CMTM7: variants seen among roughly 807,000 people sequenced by gnomAD.
CMTM7 encodes CKLF like MARVEL transmembrane domain containing 7, also known as CKLF-like MARVEL transmembrane domain-containing protein 7.
A neutral mutation model predicts 19.3 loss-of-function variants in CMTM7; 7 were observed. The observed-to-expected ratio is 0.36, with a 90% confidence interval of 0.21 to 0.68. The LOEUF is 0.68. Ranked by LOEUF, CMTM7 falls within the 30% of genes least tolerant of loss-of-function variation. The pLI is 0.60. For missense variants in CMTM7, 193 were observed against 232.6 expected (o/e 0.83, Z 1.11); for synonymous variants, 87 against 99.3 (o/e 0.88, Z 0.74).
At chr3:32,429,913 T>TA (rs1575119632) in intron 1 of CMTM7, among the ~76,000 whole-genome samples, 2 of 152,110 alleles carry the variant, frequency 1.3e-5, no homozygotes, top group Admixed American at 1.3e-4. Context: ...AGTGTATTTT[T>TA]AAAAAAATGT....
At chr3:32,431,218 G>C (rs758202594) in intron 1 of CMTM7, among the ~76,000 whole-genome samples, 2 of 152,168 alleles carry the variant, frequency 1.3e-5, no homozygotes, top group African/African-American at 4.8e-5. Flanking sequence ...GTATGATCCC[G>C]TTTTTGAAAA....
chr3:32,427,104 T>G (rs1696444720), intron 1 of CMTM7, among the ~76,000 whole-genome samples: 1 of 152,198 alleles, frequency 6.6e-6, no homozygotes, highest in South Asian at 2.1e-4. Context: ...GCACCAGCCA[T>G]TGAACTGAGT....
chr3:32,422,124 G>C (rs888865331), intron 1 of CMTM7, among the ~76,000 whole-genome samples: 1 of 152,106 alleles, frequency 6.6e-6, no homozygotes, highest in Non-Finnish European at 1.5e-5. Flanking sequence ...GGCCCCACAG[G>C]GCACAACGTG....
In CMTM7 at chr3:32,392,071, T is replaced by C. The variant is rs1272686663; in HGVS notation, c.159+6T>C. The C allele has an allele frequency of 1.6e-6, 2 of 1,233,134 alleles. No individual in the cohort carries two copies. The highest frequency in any genetic ancestry group is 2.0e-6 in the Non-Finnish European group (2 of 986,542). 76.4% of individuals were successfully genotyped at this position (1,233,134 alleles called of 1,614,324 possible). ...TGCTGAAAGTGGCGCAAATGGTAAGTGAGCGCGGGGCGCGAGGCCGAGGTT... is the reference window on the plus strand; with the variant it reads ...TGCTGAAAGTGGCGCAAATGGTAAGCGAGCGCGGGGCGCGAGGCCGAGGTT... On this transcript the variant is annotated splice_donor_region_variant and intron_variant, in intron 1 of 4. Coordinates refer to ENST00000334983, the MANE Select transcript of CMTM7 (RefSeq NM_138410.4).
intron 1 of CMTM7, among the ~76,000 whole-genome samples, chr3:32,406,929 G>T (rs1263048168): frequency 1.3e-5 from 2 of 152,166 alleles, no homozygotes; most frequent in East Asian, 3.9e-4. Flanking sequence ...AACTCCCAGG[G>T]ATCTCTGAAT....
chr3:32,428,281 G>A (rs1696462491), intron 1 of CMTM7, among the ~76,000 whole-genome samples: 1 of 152,200 alleles, frequency 6.6e-6, no homozygotes, highest in African/African-American at 2.4e-5. Flanking sequence ...GGTGGCCAGA[G>A]TGCAGCCTCA....
chr3:32,445,786 G>A (rs976382273), intron 2 of CMTM7, among the ~76,000 whole-genome samples: 23 of 152,228 alleles, frequency 1.5e-4, no homozygotes, highest in Admixed American at 8.5e-4. Context: ...AAAGTGTGGC[G>A]ATTACAGGCA....
intron 1 of CMTM7, among the ~76,000 whole-genome samples, chr3:32,410,795 C>G (rs1397687033): frequency 1.3e-5 from 2 of 152,158 alleles, no homozygotes; most frequent in Non-Finnish European, 2.9e-5. Flanking sequence ...TCGACAGACT[C>G]ACAATCAAAA....
At position 32,449,839 on chromosome 3, in the gene CMTM7, C is replaced by T. The variant is rs149017674; in HGVS notation, c.432+287C>T. ...GGGGCCAGGCGGGTTTTAATTCACA[C>T]ACCCACTCTGATCATTTGCTCGTTG... On this transcript the variant is annotated intron_variant, in intron 3 of 4. Transcript: ENST00000334983. The surrounding 1 kb of genome is among the most constrained non-coding windows in gnomAD (Gnocchi z 4.5). Among the ~76,000 whole-genome samples the T allele has an allele frequency of 2.8e-3, 423 of 152,288 alleles. 1 individual carries two copies. Among genetic ancestry groups the T allele is most frequent in the African/African-American group, 8.5e-3 (354 of 41,548 alleles).
intron 3 of CMTM7, chr3:32,451,186 G>A (rs1238224130): frequency 6.6e-6 from 1 of 152,290 alleles, no homozygotes; most frequent in Admixed American, 6.5e-5. Context: ...GAAACCCGGG[G>A]AAGAAGTGGA....
At chr3:32,418,752 C>G (rs168326) in intron 1 of CMTM7, among the ~76,000 whole-genome samples, 58,869 of 152,026 alleles carry the variant, frequency 0.39, 11,996 homozygotes, top group South Asian at 0.47. Context: ...CTGCATTCGT[C>G]TATTTGTCTA....
chr3:32,432,315 C>T (rs1414606196), intron 1 of CMTM7, among the ~76,000 whole-genome samples: 4 of 152,216 alleles, frequency 2.6e-5, no homozygotes, highest in Admixed American at 2.6e-4. Flanking sequence ...TCCCAAATCA[C>T]TTCCTGGCCT....
intron 1 of CMTM7, among the ~76,000 whole-genome samples, chr3:32,425,341 G>A (rs190002628): frequency 5.3e-4 from 81 of 152,244 alleles, no homozygotes; most frequent in African/African-American, 1.7e-3. Flanking sequence ...AAGATTTCTT[G>A]GCAGTCACAC....
At position 32,391,859 on chromosome 3, in the gene CMTM7, C is replaced by A; in HGVS notation, c.-48C>A. 5 of 1,132,536 alleles carry A rather than the reference C, an allele frequency of 4.4e-6. No individual in the cohort carries two copies. Among genetic ancestry groups the A allele is most frequent in the Non-Finnish European group, 5.5e-6 (5 of 909,376 alleles). The allele number at this position is 1,132,536 out of a possible 1,614,324, so 70.2% of individuals were successfully genotyped here. ...CCCCCGGCCCGCCCTCTGTATCTGGCCCCTGGGCAGCTGCCCGGGGAGGCG... is the reference window on the plus strand; with the variant it reads ...CCCCCGGCCCGCCCTCTGTATCTGGACCCTGGGCAGCTGCCCGGGGAGGCG... On this transcript the variant is annotated 5_prime_UTR_variant, in exon 1 of 5. Transcript: ENST00000334983.
chr3:32,438,891 G>A (rs1248966119), intron 1 of CMTM7, among the ~76,000 whole-genome samples: 1 of 152,170 alleles, frequency 6.6e-6, no homozygotes, highest in African/African-American at 2.4e-5. Context: ...ACGACGAGTT[G>A]GAAAATTATT....
chr3:32,402,655 T>G (rs551401428), intron 1 of CMTM7, among the ~76,000 whole-genome samples: 1 of 152,252 alleles, frequency 6.6e-6, no homozygotes, highest in South Asian at 2.1e-4. Flanking sequence ...CTTCGCCTCC[T>G]GGGTTCAAGC....
rs555302196 is a variant in CMTM7, at chr3:32,453,895, T to TAATA, written c.515-345_515-342dup. Among the ~76,000 whole-genome samples, 72 of 152,224 alleles carry TAATA rather than the reference T, an allele frequency of 4.7e-4. 1 individual carries two copies. In the South Asian group the frequency reaches 9.1e-3, roughly 19 times the overall value. On this transcript the variant is annotated intron_variant, in intron 4 of 4. Coordinates refer to ENST00000334983, the MANE Select transcript of CMTM7 (RefSeq NM_138410.4). The stretch of plus-strand genomic sequence containing the variant: ...AGAGAATATAGGGGAAAAGAGAAGT[T>TAATA]AATAGGTGGTGTCTAACAGGATAAA...
At chr3:32,443,166 G>A (rs1696705830) in intron 2 of CMTM7, among the ~76,000 whole-genome samples, 1 of 151,972 alleles carries the variant, frequency 6.6e-6, no homozygotes, top group African/African-American at 2.4e-5. Context: ...TGACGTGATC[G>A]CGACTCACTG....
rs1438894818 is a variant in CMTM7, at chr3:32,434,354, TG to T, written c.160-7484del. Among the ~76,000 whole-genome samples, 6 of 152,288 alleles carry T rather than the reference TG, an allele frequency of 3.9e-5. No homozygotes were observed. In the South Asian group the frequency reaches 6.2e-4, roughly 16 times the overall value. On this transcript the variant is annotated intron_variant, in intron 1 of 4. Coordinates refer to ENST00000334983, the MANE Select transcript of CMTM7 (RefSeq NM_138410.4). ...CTTCGTCACCCAGGCTGGAGTGCAGTGGCCCAATCACAGCTTACTGCAACCT... is the reference window on the plus strand; with the variant it reads ...CTTCGTCACCCAGGCTGGAGTGCAGTGCCCAATCACAGCTTACTGCAACCT...
Sources: gnomAD v4.1 joint callset for allele counts (sites outside exome capture counted in the v4.1 genomes callset) on GRCh38, gnomAD v4.1.1 for gene constraint, Gnocchi (gnomAD v3.1) non-coding constraint, MANE v1.5 for transcripts, NCBI Gene and HGNC (gene_info 2026-07-23, HGNC 2026-07-21) for gene names.